NAPA: variants seen among roughly 807,000 people sequenced by gnomAD.
The protein encoded by NAPA is alpha-soluble NSF attachment protein.
In NAPA, 18 loss-of-function variants were observed where a neutral mutation model predicts 48.0. The ratio of observed to expected loss-of-function variants is 0.38; its 90% CI spans 0.26 to 0.56. The LOEUF is 0.56. Ranked by LOEUF, NAPA falls within the 20% of genes least tolerant of loss-of-function variation. The pLI is 0.77. For missense variants in NAPA, 315 were observed against 385.0 expected (o/e 0.82, Z 1.52); for synonymous variants, 152 against 149.9 (o/e 1.01, Z -0.10).
rs767946478 is a variant in NAPA, at chr19:47,495,560, T to G, written c.332A>C (p.Tyr111Ser). The change falls in exon 4 of 11, where the codon TAC becomes TCC. Residue 111 changes from tyrosine to serine, a missense_variant. Transcript: ENST00000263354. ...GCAAGCAGCCCTTACCATGTCTGTG[T>G]AGATCTCGATTGCTCGCATCAAACA... ...INCLMRAIEI[Y>S]TDMGRFTIAA... is the part of the protein sequence containing the mutation. 6.2e-7 allele frequency: 1 copy of G among 1,613,830 alleles called. No homozygotes were observed. The highest frequency in any genetic ancestry group is 1.3e-5 in the African/African-American group (1 of 74,872).
At chr19:47,491,371 G>T (rs374642254) in intron 8 of NAPA, 11 of 156,810 alleles carry the variant, frequency 7.0e-5, no homozygotes, top group Non-Finnish European at 9.9e-5. Context: ...GCTCTGTGGG[G>T]TGTGTGTGTG....
chr19:47,492,633 C>T lies in NAPA; in HGVS notation c.561+328G>A, dbSNP rs575321107. On this transcript the variant is annotated intron_variant, in intron 7 of 10. Coordinates refer to ENST00000263354, the MANE Select transcript of NAPA (RefSeq NM_003827.4). ...CCATGGGGTGGGGTGCCCACGGCCACCCTGGGCCTCTTGGCACTTCTTCCC... is the reference window on the plus strand; with the variant it reads ...CCATGGGGTGGGGTGCCCACGGCCATCCTGGGCCTCTTGGCACTTCTTCCC... 7.4e-5 allele frequency: 35 copies of T among 474,602 alleles called. No individual in the cohort carries two copies. In the East Asian group the frequency reaches 1.2e-3, roughly 16 times the overall value. 29.4% of individuals were successfully genotyped at this position (474,602 alleles called of 1,614,324 possible).
In NAPA at chr19:47,514,428, G is replaced by T. The variant is rs188351587; in HGVS notation, c.98+415C>A. On this transcript the variant is annotated intron_variant, in intron 1 of 10. Coordinates refer to ENST00000263354, the MANE Select transcript of NAPA (RefSeq NM_003827.4). ...GAGCCTTCAAACAGACTCCCCTAGAGCTCCGAAAAGCCTCTGGACCTGGCT... is the reference window on the plus strand; with the variant it reads ...GAGCCTTCAAACAGACTCCCCTAGATCTCCGAAAAGCCTCTGGACCTGGCT... 5.4e-3 allele frequency among the ~76,000 whole-genome samples: 823 copies of T among 152,088 alleles called. 5 individuals carry two copies. The highest frequency in any genetic ancestry group is 9.4e-3 in the Non-Finnish European group (639 of 67,976).
chr19:47,509,751 C>T (rs1166734918), intron 1 of NAPA, among the ~76,000 whole-genome samples: 3 of 152,200 alleles, frequency 2.0e-5, no homozygotes, highest in African/African-American at 4.8e-5. Flanking sequence ...TACAGGCCCA[C>T]GGCCCTTCGA....
At chr19:47,501,015 GA>G (rs1968565027) in intron 2 of NAPA, among the ~76,000 whole-genome samples, 1 of 152,176 alleles carries the variant, frequency 6.6e-6, no homozygotes, top group Non-Finnish European at 1.5e-5. Context: ...TGCCTCGGGG[GA>G]AGGCCCTGAG....
chr19:47,497,757 C>G (rs948610248), intron 3 of NAPA, among the ~76,000 whole-genome samples: 2 of 152,252 alleles, frequency 1.3e-5, no homozygotes, highest in Non-Finnish European at 2.9e-5. Context: ...GTCATCTCCT[C>G]CTTAGTAAAA....
Position 47,493,712 on chromosome 19 carries a change from T to G in NAPA, c.343-219A>C. 1.8e-6 allele frequency: 1 copy of G among 565,986 alleles called. No homozygotes were observed. Among genetic ancestry groups the G allele is most frequent in the Non-Finnish European group, 3.2e-6 (1 of 313,428 alleles). 35.1% of individuals were successfully genotyped at this position (565,986 alleles called of 1,614,324 possible). On this transcript the variant is annotated intron_variant, in intron 4 of 10. Coordinates refer to ENST00000263354, the MANE Select transcript of NAPA (RefSeq NM_003827.4). The surrounding 1 kb of genome is among the most constrained non-coding windows in gnomAD (Gnocchi z 6.4). ...GGCTATGCGTGCTGGGCTGAGCGGGTGATGTTGGACAAGCCACTCCAGGGC... is the reference window on the plus strand; with the variant it reads ...GGCTATGCGTGCTGGGCTGAGCGGGGGATGTTGGACAAGCCACTCCAGGGC...
intron 7 of NAPA, 110 bp downstream of exon 7, chr19:47,492,851 G>T: frequency 9.8e-7 from 1 of 1,021,918 alleles, no homozygotes; most frequent in Non-Finnish European, 1.5e-6. Flanking sequence ...GGGAGAGGCA[G>T]AGGGTGAGCC....
At chr19:47,505,218 G>C (rs1968670218) in intron 1 of NAPA, 1 of 152,140 alleles carries the variant, frequency 6.6e-6, no homozygotes, top group African/African-American at 2.4e-5. Context: ...CTCTTCACTG[G>C]CATAACTAGT....
intron 8 of NAPA, 66 bp from the exon 9 acceptor site, chr19:47,490,922 A>C: frequency 7.0e-7 from 1 of 1,421,286 alleles, no homozygotes; most frequent in East Asian, 2.3e-5. Context: ...CTGGCCTAGC[A>C]GCTGAGGGGA....
rs1476580802 is a variant in NAPA at position 47,500,505 on chromosome 19, G to A, written c.295+128C>T. 1.0e-5 allele frequency: 7 copies of A among 674,790 alleles called. No homozygotes were observed. The Admixed American group carries it at 1.1e-4, about 11-fold the overall frequency. The allele number at this position is 674,790 out of a possible 1,614,324, so 41.8% of individuals were successfully genotyped here. On this transcript the variant is annotated intron_variant, in intron 3 of 10. Coordinates refer to ENST00000263354, the MANE Select transcript of NAPA (RefSeq NM_003827.4). ...TCAACGCTCACTCTGCCTCAGGCAC[G>A]CCCCTGCCAGCCTATCACATGTCGG...
At chr19:47,492,209 G>A (rs543926106) in intron 7 of NAPA, 90 bp from the exon 8 acceptor site, 14 of 1,157,336 alleles carry the variant, frequency 1.2e-5, no homozygotes, top group African/African-American at 9.1e-5. Flanking sequence ...CCAGCTGGGA[G>A]CTGGTTCATG....
At chr19:47,487,400 G>A (rs191837692), downstream of NAPA, among the ~76,000 whole-genome samples, 139 of 152,272 alleles carry the variant, frequency 9.1e-4, 1 homozygote, top group African/African-American at 3.2e-3. Flanking sequence ...TGGACCCCAA[G>A]AACCCAGAGA....
At chr19:47,500,319 C>T (rs1274140722) in intron 3 of NAPA, among the ~76,000 whole-genome samples, 1 of 152,214 alleles carries the variant, frequency 6.6e-6, no homozygotes, top group Admixed American at 6.5e-5. Context: ...TTCCTCTCTC[C>T]CCGGCAGGCG....
At chr19:47,505,695 G>A (rs1242653458) in intron 1 of NAPA, among the ~76,000 whole-genome samples, 1 of 152,200 alleles carries the variant, frequency 6.6e-6, no homozygotes, top group Non-Finnish European at 1.5e-5. Flanking sequence ...AATGTCAGCA[G>A]GCAAATAAAT....
intron 1 of NAPA, among the ~76,000 whole-genome samples, chr19:47,511,198 C>G (rs548235815): frequency 6.6e-6 from 1 of 152,334 alleles, no homozygotes; most frequent in South Asian, 2.1e-4. Context: ...GTCCCGGCAG[C>G]TACCAAGGAC....
At chr19:47,508,294 G>A (rs1163742353) in intron 1 of NAPA, among the ~76,000 whole-genome samples, 1 of 152,232 alleles carries the variant, frequency 6.6e-6, no homozygotes, top group Non-Finnish European at 1.5e-5. Context: ...CACTGGAGCT[G>A]GGAGCTGCCA....
At chr19:47,485,668 T>A (rs1170823367), downstream of NAPA, among the ~76,000 whole-genome samples, 1 of 152,202 alleles carries the variant, frequency 6.6e-6, no homozygotes, top group Non-Finnish European at 1.5e-5. Flanking sequence ...AACTATGTGC[T>A]GAGCATGTAA....
intron 1 of NAPA, among the ~76,000 whole-genome samples, chr19:47,513,883 TCTGTCCC>T (rs1968853897): frequency 7.3e-6 from 1 of 136,692 alleles, no homozygotes; most frequent in South Asian, 2.4e-4. Flanking sequence ...AGAGTCTCGC[TCTGTCCC>T]CCAGGCTGTA....
Sources: gnomAD v4.1 joint callset for allele counts (sites outside exome capture counted in the v4.1 genomes callset) on GRCh38, gnomAD v4.1.1 for gene constraint, Gnocchi (gnomAD v3.1) non-coding constraint, MANE v1.5 for transcripts, NCBI Gene and HGNC (gene_info 2026-07-23, HGNC 2026-07-21) for gene names.